The following ATXN1 variants were observed in gnomAD, a reference collection of about 807,000 sequenced individuals.
ATXN1 encodes the protein ataxin-1.
ATXN1 carries 8 observed loss-of-function variants against 56.4 expected under a neutral mutation model. That is an observed-to-expected ratio of 0.14 (90% CI 0.08 to 0.26). The LOEUF (loss-of-function observed/expected upper bound fraction) is 0.26. Among genes scored for constraint, ATXN1 ranks in the 10% least tolerant of loss-of-function variants. ATXN1 has a pLI of 1.00. For synonymous variants in ATXN1, 514 were observed against 494.6 expected, an observed-to-expected ratio of 1.04 and a Z score of -0.52; for missense variants, 987 against 1,106.5, an observed-to-expected ratio of 0.89 and a Z score of 1.53.
intron 2 of ATXN1, among the ~76,000 whole-genome samples, chr6:16,666,030 G>A (rs1415405380): frequency 1.3e-5 from 2 of 152,116 alleles, no homozygotes; most frequent in South Asian, 2.1e-4. Flanking sequence ...TATACAATAA[G>A]TTATTGTTAA....
At chr6:16,361,367 C>T (rs953065876) in intron 6 of ATXN1, among the ~76,000 whole-genome samples, 1 of 152,200 alleles carries the variant, frequency 6.6e-6, no homozygotes, top group Non-Finnish European at 1.5e-5. Context: ...TTTTCGTTCA[C>T]GCACATGGCT....
At chr6:16,566,628 C>T (rs528884494) in intron 4 of ATXN1, among the ~76,000 whole-genome samples, 11 of 152,020 alleles carry the variant, frequency 7.2e-5, no homozygotes, top group South Asian at 6.2e-4. Context: ...CCACGGCGGG[C>T]GGATCACGAG....
At chr6:16,579,121 C>T (rs1762477301) in intron 4 of ATXN1, among the ~76,000 whole-genome samples, 1 of 152,112 alleles carries the variant, frequency 6.6e-6, no homozygotes, top group African/African-American at 2.4e-5. Context: ...TCTGTGTCAT[C>T]GAAATACTCA....
At chr6:16,454,425 C>T (rs970797464) in intron 6 of ATXN1, among the ~76,000 whole-genome samples, 3 of 152,152 alleles carry the variant, frequency 2.0e-5, no homozygotes, top group Non-Finnish European at 4.4e-5. Context: ...GTTAACCCCC[C>T]CTGCTAGGGG....
intron 6 of ATXN1, among the ~76,000 whole-genome samples, chr6:16,361,011 C>T (rs1761796330): frequency 1.3e-5 from 2 of 152,180 alleles, no homozygotes; most frequent in Admixed American, 6.5e-5. Flanking sequence ...AGATGTAGCT[C>T]GCAGCTTCTT....
At chr6:16,660,685 A>C (rs1281959222) in intron 2 of ATXN1, among the ~76,000 whole-genome samples, 1 of 152,166 alleles carries the variant, frequency 6.6e-6, no homozygotes, top group Non-Finnish European at 1.5e-5. Context: ...AATCATAACA[A>C]ACACAACTAT....
Position 16,524,197 on chromosome 6 carries a change from G to A in ATXN1, c.-360-1509C>T, listed in dbSNP as rs116622222. Among the ~76,000 whole-genome samples the A allele has an allele frequency of 3.1e-3, 472 of 152,252 alleles. 3 individuals are homozygous for A. The highest frequency in any genetic ancestry group is 0.011 in the African/African-American group (446 of 41,546). The stretch of plus-strand genomic sequence containing the variant: ...AGACTCAGTTCCTCAGAATCTGAAG[G>A]GCACTCCTCCAAGTCCCACAGAGCA... On this transcript the variant is annotated intron_variant, in intron 4 of 7. Coordinates refer to ENST00000436367, the MANE Select transcript of ATXN1 (RefSeq NM_001128164.2).
chr6:16,406,697 T>A (rs1456808760), intron 6 of ATXN1, among the ~76,000 whole-genome samples: 1 of 152,232 alleles, frequency 6.6e-6, no homozygotes, highest in African/African-American at 2.4e-5. Flanking sequence ...AAGCATTAGG[T>A]CATAGCCTGT....
At chr6:16,499,662 A>AT (rs1194500299) in intron 5 of ATXN1, among the ~76,000 whole-genome samples, 2 of 152,182 alleles carry the variant, frequency 1.3e-5, no homozygotes, top group Admixed American at 6.5e-5. Context: ...ACACCCACCC[A>AT]TTAAGATTGG....
chr6:16,526,041 CTATA>C (rs71769107), intron 4 of ATXN1, among the ~76,000 whole-genome samples: 10,359 of 127,112 alleles, frequency 0.081, 714 homozygotes, highest in African/African-American at 0.18. Context: ...AGAAATAAAT[CTATA>C]TATATATATA....
intron 2 of ATXN1, among the ~76,000 whole-genome samples, chr6:16,715,095 G>T (rs1341851880): frequency 6.6e-6 from 1 of 152,084 alleles, no homozygotes; most frequent in African/African-American, 2.4e-5. Context: ...TGGATAACAG[G>T]AAGGTCGTAC....
At chr6:16,491,247 C>T (rs910730562) in intron 5 of ATXN1, among the ~76,000 whole-genome samples, 1 of 140,738 alleles carries the variant, frequency 7.1e-6, no homozygotes, top group African/African-American at 2.6e-5. Context: ...CATATGCCAC[C>T]ACACCTGGCT....
intron 2 of ATXN1, among the ~76,000 whole-genome samples, chr6:16,751,691 G>A (rs1399834392): frequency 3.9e-5 from 6 of 152,154 alleles, no homozygotes; most frequent in African/African-American, 1.4e-4. Context: ...TGGCTTTGCA[G>A]AGCCGTAGAT....
At chr6:16,635,879 C>A (rs1053274059) in intron 3 of ATXN1, among the ~76,000 whole-genome samples, 1 of 150,180 alleles carries the variant, frequency 6.7e-6, no homozygotes, top group African/African-American at 2.4e-5. Context: ...AGCGACGACG[C>A]CCACTGTGCT....
intron 6 of ATXN1, among the ~76,000 whole-genome samples, chr6:16,396,552 A>G (rs996037178): frequency 6.6e-6 from 1 of 152,250 alleles, no homozygotes; most frequent in African/African-American, 2.4e-5. Flanking sequence ...TTTATAAAGT[A>G]AAAAAGTAAG....
chr6:16,670,429 G>A (rs1263393009), intron 2 of ATXN1, among the ~76,000 whole-genome samples: 2 of 152,130 alleles, frequency 1.3e-5, no homozygotes, highest in African/African-American at 4.8e-5. Flanking sequence ...AGAGGAAGGG[G>A]GATGTGAAAC....
intron 2 of ATXN1, among the ~76,000 whole-genome samples, chr6:16,678,999 G>A (rs1338783794): frequency 2.0e-5 from 3 of 151,118 alleles, no homozygotes; most frequent in Non-Finnish European, 4.4e-5. Context: ...TCACGCCACT[G>A]CACCCCAGCC....
At chr6:16,678,380 C>G (rs1758730033) in intron 2 of ATXN1, among the ~76,000 whole-genome samples, 1 of 152,128 alleles carries the variant, frequency 6.6e-6, no homozygotes, top group Non-Finnish European at 1.5e-5. Flanking sequence ...CTAACAATGC[C>G]ACATAGTATA....
intron 6 of ATXN1, among the ~76,000 whole-genome samples, chr6:16,338,294 C>A (rs1431123833): frequency 6.6e-6 from 1 of 152,018 alleles, no homozygotes; most frequent in Non-Finnish European, 1.5e-5. Flanking sequence ...GAGATTGAGA[C>A]CATCCTGGAT....
Sources: gnomAD v4.1 joint callset for allele counts (sites outside exome capture counted in the v4.1 genomes callset) on GRCh38, gnomAD v4.1.1 for gene constraint, MANE v1.5 for transcripts, NCBI Gene and HGNC (gene_info 2026-07-23, HGNC 2026-07-21) for gene names.